The following MREG variants were observed in gnomAD, a reference collection of about 807,000 sequenced individuals.
MREG encodes the protein dilute suppressor protein homolog.
MREG carries 31 observed loss-of-function variants against 28.5 expected under a neutral mutation model. The observed-to-expected ratio is 1.09, with a 90% confidence interval of 0.82 to 1.47. The LOEUF is 1.47. MREG is among the 40% of genes most tolerant of loss of function. The probability of loss-of-function intolerance (pLI) is 0.00; values close to 1 mark genes in which losing one functional copy is unlikely to be tolerated. For synonymous variants in MREG, 106 were observed against 95.2 expected (o/e 1.11, Z -0.66); for missense variants, 256 against 257.4 (o/e 0.99, Z 0.04).
At chr2:216,007,742 C>CATT (rs1553555422) in intron 1 of MREG, among the ~76,000 whole-genome samples, 28 of 148,992 alleles carry the variant, frequency 1.9e-4, no homozygotes, top group Admixed American at 4.7e-4. Flanking sequence ...CACTTAGCGG[C>CATT]TTTTTTTTTG....
At chr2:216,009,473 C>A (rs1334299724) in intron 1 of MREG, among the ~76,000 whole-genome samples, 1 of 152,142 alleles carries the variant, frequency 6.6e-6, no homozygotes, top group Non-Finnish European at 1.5e-5. Flanking sequence ...CAGCCAGCTT[C>A]TCTGTGTTCT....
chr2:215,967,949 GGGCATGAATGAGGTCT>G (rs1047116780), intron 2 of MREG, among the ~76,000 whole-genome samples: 18 of 152,268 alleles, frequency 1.2e-4, no homozygotes, highest in Admixed American at 9.2e-4. Flanking sequence ...CTTCCTCAAA[GGGCATGAATGAGGTCT>G]GGCATGAATG....
intron 2 of MREG, among the ~76,000 whole-genome samples, chr2:215,958,087 C>G (rs571127327): frequency 8.4e-5 from 12 of 142,882 alleles, no homozygotes; most frequent in African/African-American, 3.2e-4. Flanking sequence ...AGGGGGACAT[C>G]ACACACCGGG....
chr2:215,972,786 AAAC>A (rs570707114), intron 2 of MREG, among the ~76,000 whole-genome samples: 111 of 152,280 alleles, frequency 7.3e-4, no homozygotes, highest in Admixed American at 2.5e-3. Flanking sequence ...GTTTTTTAAA[AAAC>A]AACAACAACA....
chr2:215,947,386 A>T (rs1366874112), intron 2 of MREG, among the ~76,000 whole-genome samples: 1 of 152,242 alleles, frequency 6.6e-6, no homozygotes, highest in African/African-American at 2.4e-5. Flanking sequence ...CAATTTAGTG[A>T]TCTCACCTGT....
At chr2:215,969,251 G>A (rs1160308608) in intron 2 of MREG, among the ~76,000 whole-genome samples, 1 of 152,164 alleles carries the variant, frequency 6.6e-6, no homozygotes, top group African/African-American at 2.4e-5. Flanking sequence ...AATTGTATTA[G>A]TTTCCTGGTG....
chr2:215,985,593 A>C (rs1049656365), intron 2 of MREG, among the ~76,000 whole-genome samples: 1 of 152,010 alleles, frequency 6.6e-6, no homozygotes, highest in African/African-American at 2.4e-5. Context: ...TTGCTCTTCT[A>C]TATATATTTT....
intron 1 of MREG, among the ~76,000 whole-genome samples, chr2:216,003,946 T>C (rs890042514): frequency 1.3e-5 from 2 of 152,232 alleles, no homozygotes; most frequent in Non-Finnish European, 2.9e-5. Flanking sequence ...CCTTTTAATA[T>C]GTAAATCAGA....
intron 1 of MREG, among the ~76,000 whole-genome samples, chr2:216,008,234 T>G (rs1350200515): frequency 6.6e-6 from 1 of 152,140 alleles, no homozygotes; most frequent in Non-Finnish European, 1.5e-5. Context: ...TTCCCTGCCC[T>G]CATGCTCCTG....
chr2:216,024,109 G>A (rs1178639768), intron 1 of MREG, among the ~76,000 whole-genome samples: 1 of 152,054 alleles, frequency 6.6e-6, no homozygotes, highest in African/African-American at 2.4e-5. Flanking sequence ...ACTCTCCCTT[G>A]CCATGCCGAG....
At chr2:215,957,493 A>C (rs1193294919) in intron 2 of MREG, among the ~76,000 whole-genome samples, 1 of 152,114 alleles carries the variant, frequency 6.6e-6, no homozygotes, top group Non-Finnish European at 1.5e-5. Flanking sequence ...GACGAAGGTA[A>C]ACCATTCCCC....
rs1329905548 is a variant in MREG, at chr2:215,947,111, C to T, written c.258G>A (p.Glu86=). The change falls in exon 3 of 5, where the codon GAG becomes GAA. Residue 86 remains glutamate (E), a splice_region_variant and synonymous_variant. Coordinates refer to ENST00000263268, the MANE Select transcript of MREG (RefSeq NM_018000.3). ...GGATATCATAGTTGAGCTTCTGCCACTCCTGCAGGAAAATAAAAGTTTAGT... is the reference window on the plus strand; with the variant it reads ...GGATATCATAGTTGAGCTTCTGCCATTCCTGCAGGAAAATAAAAGTTTAGT... ...IRNQQAKDSE[E]WQKLNYDIHT... 1.2e-6 allele frequency: 2 copies of T among 1,609,272 alleles called. No individual in the cohort carries two copies. Among genetic ancestry groups the T allele is most frequent in the Non-Finnish European group, 8.5e-7 (1 of 1,176,580 alleles).
intron 1 of MREG, among the ~76,000 whole-genome samples, chr2:216,027,937 CTT>C (rs995310229): frequency 2.0e-5 from 3 of 152,146 alleles, no homozygotes; most frequent in Non-Finnish European, 4.4e-5. Flanking sequence ...TCAAAATACA[CTT>C]AAAGTCAATT....
intron 2 of MREG, among the ~76,000 whole-genome samples, chr2:215,974,895 T>G (rs1201173314): frequency 7.0e-6 from 1 of 142,974 alleles, no homozygotes; most frequent in Non-Finnish European, 1.5e-5. Flanking sequence ...ACCTCCCACT[T>G]TCTCCAGCAC....
chr2:216,006,474 C>T (rs2106028509), intron 1 of MREG, among the ~76,000 whole-genome samples: 1 of 152,364 alleles, frequency 6.6e-6, no homozygotes, highest in Non-Finnish European at 1.5e-5. Context: ...ACCCTTTGTG[C>T]CCCTGCAGGC....
intron 2 of MREG, among the ~76,000 whole-genome samples, chr2:215,980,910 CAGGGAAGGGA>C (rs368756670): frequency 2.9e-5 from 4 of 138,976 alleles, no homozygotes; most frequent in Non-Finnish European, 6.2e-5. Context: ...CAGGGAAGGG[CAGGGAAGGGA>C]AGGGAAGGGA....
intron 1 of MREG, among the ~76,000 whole-genome samples, chr2:216,032,359 G>GATATAATTTCCCCACTC (rs1443559062): frequency 5.3e-5 from 8 of 152,236 alleles, no homozygotes; most frequent in African/African-American, 1.7e-4. Flanking sequence ...TTACCAACTG[G>GATATAATTTCCCCACTC]ATATAATTTC....
At chr2:215,978,462 G>C (rs1023943142) in intron 2 of MREG, among the ~76,000 whole-genome samples, 3 of 152,116 alleles carry the variant, frequency 2.0e-5, no homozygotes, top group Non-Finnish European at 2.9e-5. Context: ...GTACAAAGAG[G>C]AGCTGGTACC....
At chr2:215,970,456 G>A (rs1693057766) in intron 2 of MREG, among the ~76,000 whole-genome samples, 1 of 152,208 alleles carries the variant, frequency 6.6e-6, no homozygotes, top group Admixed American at 6.5e-5. Flanking sequence ...TTTCCATTTT[G>A]AATTCACAAG....
Sources: gnomAD v4.1 joint callset for allele counts (sites outside exome capture counted in the v4.1 genomes callset) on GRCh38, gnomAD v4.1.1 for gene constraint, MANE v1.5 for transcripts, NCBI Gene and HGNC (gene_info 2026-07-23, HGNC 2026-07-21) for gene names.